Variants in SYCP1 observed in about 807,000 individuals in gnomAD.
SYCP1 encodes cancer/testis antigen 8.
SYCP1 carries 64 observed loss-of-function variants against 153.1 expected under a neutral mutation model. That is an observed-to-expected ratio of 0.42 (90% CI 0.34 to 0.51). The LOEUF (loss-of-function observed/expected upper bound fraction) is 0.51. Among genes scored for constraint, SYCP1 ranks in the 20% least tolerant of loss-of-function variants. SYCP1 has a pLI of 0.06. For synonymous variants in SYCP1, 384 were observed against 341.8 expected, an observed-to-expected ratio of 1.12 and a Z score of -1.36; for missense variants, 997 against 1,049.0, an observed-to-expected ratio of 0.95 and a Z score of 0.68.
rs1205277345 is a variant in SYCP1 at position 114,858,784 on chromosome 1, G to C, written c.456+73G>C. The stretch of plus-strand genomic sequence containing the variant: ...TAATACTGTTGAAAGTAGAGTATTA[G>C]TTGGGATAAATTGGATTGATCTTGT... On this transcript the variant is annotated intron_variant, in intron 6 of 31. Transcript: ENST00000369522. 4 of 1,283,152 alleles carry C rather than the reference G, an allele frequency of 3.1e-6. No individual in the cohort carries two copies. In the East Asian group the frequency reaches 9.3e-5, roughly 30 times the overall value. 79.5% of individuals were successfully genotyped at this position (1,283,152 alleles called of 1,614,324 possible). A position where few individuals can be genotyped will look rare whatever the true frequency, so the allele number is the denominator to read the frequency against.
intron 27 of SYCP1, among the ~76,000 whole-genome samples, chr1:114,963,275 T>C (rs2101889940): frequency 6.6e-6 from 1 of 152,352 alleles, no homozygotes; most frequent in East Asian, 1.9e-4. Flanking sequence ...TTCCAAAGTC[T>C]TAGATTTCTC....
rs1360588214 is a variant in SYCP1, at chr1:114,923,399, T to C, written c.1719-50T>C. The C allele has an allele frequency of 2.0e-6, 3 of 1,495,748 alleles. No homozygotes were observed. In the Admixed American group the frequency reaches 6.7e-5, roughly 33 times the overall value. The allele number at this position is 1,495,748 out of a possible 1,614,324, so 92.7% of individuals were successfully genotyped here. A position where few individuals can be genotyped will look rare whatever the true frequency, so the allele number is the denominator to read the frequency against. On this transcript the variant is annotated intron_variant, in intron 20 of 31. Coordinates refer to ENST00000369522, the MANE Select transcript of SYCP1 (RefSeq NM_003176.4). Reference sequence around the variant, plus strand: ...TTATTTTGAGTTATTTGAGATCTTCTATAGGCCTAATAATTTTTAGTATAA... The same window carrying C: ...TTATTTTGAGTTATTTGAGATCTTCCATAGGCCTAATAATTTTTAGTATAA...
At chr1:114,947,001 C>T (rs1670752919) in intron 26 of SYCP1, among the ~76,000 whole-genome samples, 1 of 152,166 alleles carries the variant, frequency 6.6e-6, no homozygotes, top group Non-Finnish European at 1.5e-5. Context: ...CTGCCTCTGC[C>T]TCCCAGGGAA....
rs60638176 is a variant in SYCP1 at position 114,986,327 on chromosome 1, A to G, written c.2703+1459A>G. 6.8e-3 allele frequency among the ~76,000 whole-genome samples: 1,034 copies of G among 152,174 alleles called. 7 individuals carry two copies. The highest frequency in any genetic ancestry group is 0.024 in the African/African-American group (977 of 41,564). On this transcript the variant is annotated intron_variant, in intron 30 of 31. Transcript: ENST00000369522. ...ACTGCCAATTCAAAATGTAGTCCAG[A>G]TATATAAAAATGTAATGAGAATTAG...
chr1:114,946,980 G>A (rs915127405), intron 26 of SYCP1, among the ~76,000 whole-genome samples: 3 of 152,088 alleles, frequency 2.0e-5, no homozygotes, highest in Non-Finnish European at 4.4e-5. Context: ...TCCTGACCTC[G>A]AGTGATATGC....
intron 28 of SYCP1, among the ~76,000 whole-genome samples, chr1:114,979,738 T>C (rs1673032662): frequency 6.6e-6 from 1 of 151,822 alleles, no homozygotes; most frequent in Non-Finnish European, 1.5e-5. Context: ...GACAGATCAC[T>C]AGAATTACGC....
At chr1:114,928,435 A>G (rs960740598) in intron 23 of SYCP1, among the ~76,000 whole-genome samples, 1 of 152,310 alleles carries the variant, frequency 6.6e-6, no homozygotes. Flanking sequence ...TTCTGTATGC[A>G]GCAAAAAGCT....
At chr1:114,945,443 G>T (rs1670648063) in intron 25 of SYCP1, among the ~76,000 whole-genome samples, 1 of 151,568 alleles carries the variant, frequency 6.6e-6, no homozygotes, top group African/African-American at 2.4e-5. Flanking sequence ...CATTTGTTAA[G>T]GAATTAAGCC....
At chr1:114,875,117 AT>A (rs1458156640) in intron 9 of SYCP1, among the ~76,000 whole-genome samples, 5 of 152,048 alleles carry the variant, frequency 3.3e-5, no homozygotes, top group African/African-American at 1.2e-4. Flanking sequence ...TTCCATATAT[AT>A]CCATCTCATT....
intron 27 of SYCP1, among the ~76,000 whole-genome samples, chr1:114,973,039 G>A (rs1672590678): frequency 6.6e-6 from 1 of 152,044 alleles, no homozygotes; most frequent in East Asian, 1.9e-4. Flanking sequence ...GATAGGATAA[G>A]CCGTGGTTAT....
intron 8 of SYCP1, among the ~76,000 whole-genome samples, chr1:114,872,692 ATTCTG>A (rs1665233819): frequency 6.6e-6 from 1 of 151,992 alleles, no homozygotes; most frequent in African/African-American, 2.4e-5. Flanking sequence ...GTTCTTGGAT[ATTCTG>A]TTCTGTTCTT....
chr1:114,908,208 G>A (rs1168542036), intron 16 of SYCP1, among the ~76,000 whole-genome samples: 1 of 144,806 alleles, frequency 6.9e-6, no homozygotes, highest in African/African-American at 2.6e-5. Flanking sequence ...TTATAGGATT[G>A]TGGGTTGACA....
chr1:114,881,543 T>TTCCTTCCTTC (rs1383711421), intron 12 of SYCP1, among the ~76,000 whole-genome samples: 15,313 of 123,132 alleles, frequency 0.12, 1,632 homozygotes, highest in Non-Finnish European at 0.17. Context: ...TTCCTTCCTT[T>TTCCTTCCTTC]CTTGATGGAG....
Position 114,926,572 on chromosome 1 carries a change from C to T in SYCP1, c.1926+9C>T. 1.3e-6 allele frequency: 2 copies of T among 1,578,458 alleles called. No homozygotes were observed. The highest frequency in any genetic ancestry group is 1.7e-6 in the Non-Finnish European group (2 of 1,163,228). On this transcript the variant is annotated intron_variant, in intron 23 of 31. Transcript: ENST00000369522. The stretch of plus-strand genomic sequence containing the variant: ...ATGTTTATGAGATAAAGGTATTTGG[C>T]ATCTTTATTTTTGTTTTTTAAATAC...
chr1:114,962,766 G>A (rs960025267), intron 27 of SYCP1, among the ~76,000 whole-genome samples: 22 of 152,150 alleles, frequency 1.4e-4, no homozygotes, highest in Non-Finnish European at 1.5e-5. Context: ...TATAGGCTTT[G>A]TAAGATTTAT....
At chr1:114,976,244 C>A (rs925110043) in intron 27 of SYCP1, among the ~76,000 whole-genome samples, 1 of 151,686 alleles carries the variant, frequency 6.6e-6, no homozygotes, top group Admixed American at 6.6e-5. Context: ...TAGGCTGATA[C>A]GTTTATTTAG....
At chr1:114,867,912 C>G (rs1182699463) in intron 8 of SYCP1, among the ~76,000 whole-genome samples, 1 of 151,962 alleles carries the variant, frequency 6.6e-6, no homozygotes, top group Non-Finnish European at 1.5e-5. Context: ...ATATTCTTTA[C>G]TAGATTGAGC....
rs1023922541 is a variant in SYCP1, at chr1:114,911,545, G to C, written c.1492G>C (p.Glu498Gln). The C allele has an allele frequency of 1.2e-5, 19 of 1,536,568 alleles. No homozygotes were observed. The highest frequency in any genetic ancestry group is 1.3e-5 in the Non-Finnish European group (15 of 1,145,796). Residue 498 changes from glutamate (E) to glutamine (Q), a missense_variant, in exon 18 of 32, where the codon GAG (glutamate) becomes CAG (glutamine). By Grantham distance (29) the Glu-to-Gln change is conservative. Around this residue, in one of 2 missense-constraint regions of SYCP1, gnomAD observed 712 missense variants for 682.9 expected, o/e 1.04. Transcript: ENST00000369522. ...ITTSEQYYSK[E>Q]VKDLKTELEN... ...CACAAGTGAACAGTATTATTCAAAA[G>C]AGGTTAAAGATCTAAAAACTGAGCT...
chr1:114,911,455 T>A, intron 17 of SYCP1, 24 bp from the exon 18 acceptor site: 1 of 1,493,738 alleles, frequency 6.7e-7, no homozygotes, highest in Non-Finnish European at 9.0e-7. Context: ...ACACTTGCCA[T>A]AGTTATATAT....
Sources: gnomAD v4.1 joint callset for allele counts (sites outside exome capture counted in the v4.1 genomes callset) on GRCh38, gnomAD v4.1.1 for gene constraint, gnomAD v4.1.1 regional missense constraint, MANE v1.5 for transcripts, NCBI Gene and HGNC (gene_info 2026-07-23, HGNC 2026-07-21) for gene names.